CORO2A: variants seen among roughly 807,000 people sequenced by gnomAD.
The protein encoded by CORO2A is coronin 2A, also known as coronin-2A.
Under a neutral mutation model 62.4 loss-of-function variants are expected in CORO2A, and 47 were observed. That is an observed-to-expected ratio of 0.75 (90% CI 0.60 to 0.96). The LOEUF is 0.96. Ranked by LOEUF, CORO2A falls within the 40% of genes least tolerant of loss-of-function variation. The pLI is 0.00. For missense variants in CORO2A, 610 were observed against 684.1 expected (o/e 0.89, Z 1.21); for synonymous variants, 273 against 268.9 (o/e 1.02, Z -0.15).
At chr9:98,174,610 G>A (rs1281285455) in intron 1 of CORO2A, among the ~76,000 whole-genome samples, 2 of 152,118 alleles carry the variant, frequency 1.3e-5, no homozygotes, top group African/African-American at 4.8e-5. Context: ...GATCATGGAG[G>A]CGGTTTCCCC....
chr9:98,145,809 T>G (rs1827637147), intron 2 of CORO2A, among the ~76,000 whole-genome samples: 2 of 152,100 alleles, frequency 1.3e-5, no homozygotes. Flanking sequence ...GTCTCCCGGG[T>G]TCAAGTGATT....
intron 2 of CORO2A, among the ~76,000 whole-genome samples, chr9:98,150,688 A>T (rs1827711127): frequency 6.6e-6 from 1 of 152,248 alleles, no homozygotes. Context: ...GAGTAATAAA[A>T]GGAAAACCAA....
chr9:98,162,391 TC>T (rs1827898012), intron 1 of CORO2A, among the ~76,000 whole-genome samples: 1 of 152,020 alleles, frequency 6.6e-6, no homozygotes, highest in Non-Finnish European at 1.5e-5. Context: ...GCTCCCCACT[TC>T]CCCACGGATG....
Position 98,121,452 on chromosome 9 carries a change from T to C in CORO2A, c.*3322A>G, listed in dbSNP as rs1693572940. 1 of 152,200 alleles carries C rather than the reference T, an allele frequency of 6.6e-6. No homozygotes were observed. The highest frequency in any genetic ancestry group is 1.5e-5 in the Non-Finnish European group (1 of 68,044). 9.4% of individuals were successfully genotyped at this position (152,200 alleles called of 1,614,324 possible). ...AAAACAGATGGTTTAAAAAAATATCTGATAAAAATTACCTATCCCTCTCCC... is the reference window on the plus strand; with the variant it reads ...AAAACAGATGGTTTAAAAAAATATCCGATAAAAATTACCTATCCCTCTCCC... On this transcript the variant is annotated 3_prime_UTR_variant, in exon 12 of 12. Coordinates refer to ENST00000375077, the MANE Select transcript of CORO2A (RefSeq NM_052820.4).
At chr9:98,141,335 T>A (rs566960716) in intron 2 of CORO2A, among the ~76,000 whole-genome samples, 2 of 142,692 alleles carry the variant, frequency 1.4e-5, no homozygotes, top group Non-Finnish European at 3.1e-5. Context: ...CAGGTCTCCA[T>A]GGGACCACTG....
intron 2 of CORO2A, among the ~76,000 whole-genome samples, chr9:98,141,396 G>GGCTGGGGT (rs1338753368): frequency 6.7e-6 from 1 of 148,796 alleles, no homozygotes; most frequent in Non-Finnish European, 1.5e-5. Flanking sequence ...TTGTTGCTCA[G>GGCTGGGGT]GCTGGGGTGC....
At chr9:98,130,581 T>C (rs1827390829) in intron 7 of CORO2A, among the ~76,000 whole-genome samples, 1 of 152,216 alleles carries the variant, frequency 6.6e-6, no homozygotes, top group Non-Finnish European at 1.5e-5. Context: ...GTTGTCATAA[T>C]GACTTGGATG....
In CORO2A at chr9:98,189,928, A is replaced by C. The variant is rs553221254; in HGVS notation, c.-1+2631T>G. Among the ~76,000 whole-genome samples, 4 of 150,938 alleles carry C rather than the reference A, an allele frequency of 2.7e-5. No individual in the cohort carries two copies. In the South Asian group the frequency reaches 8.4e-4, roughly 32 times the overall value. ...GAGATGGAGTCTCGCTCTGTCGCCC[A>C]GGCTGGAGTGCAGTGGCACAATCTC... On this transcript the variant is annotated intron_variant, in intron 1 of 11. Transcript: ENST00000375077.
rs769999348 is a variant in CORO2A, at chr9:98,157,657, A to G, written c.4T>C (p.Ser2Pro). Reference sequence around the variant, plus strand: ...GAGCTCCGGTACTGGGGGTGCCATGACATCTGCAGGAGACAAATGGGACAA... The same window carrying G: ...GAGCTCCGGTACTGGGGGTGCCATGGCATCTGCAGGAGACAAATGGGACAA... Reference protein sequence around the residue: MSWHPQYRSSKF... With the variant: MPWHPQYRSSKF... The change falls in exon 2 of 12, where the codon TCA (serine) becomes CCA (proline). Residue 2 changes from serine (S) to proline (P), a missense_variant. Physicochemically the swap from Ser to Pro is moderately conservative, Grantham distance 74. Transcript: ENST00000375077. The G allele has an allele frequency of 7.4e-6, 12 of 1,612,416 alleles. No homozygotes were observed. The highest frequency in any genetic ancestry group is 2.2e-5 in the South Asian group (2 of 90,810).
chr9:98,176,973 A>G (rs534899814), intron 1 of CORO2A, among the ~76,000 whole-genome samples: 1 of 152,272 alleles, frequency 6.6e-6, no homozygotes, highest in South Asian at 2.1e-4. Flanking sequence ...TTTGTTCCTT[A>G]TCTGTGTTGC....
intron 1 of CORO2A, among the ~76,000 whole-genome samples, chr9:98,169,028 G>C (rs1827998154): frequency 1.3e-5 from 2 of 152,260 alleles, no homozygotes; most frequent in South Asian, 2.1e-4. Context: ...GAGGGGTGGG[G>C]GAAGAAGCCC....
At chr9:98,130,250 T>C (rs1182300054) in intron 7 of CORO2A, among the ~76,000 whole-genome samples, 1 of 152,096 alleles carries the variant, frequency 6.6e-6, no homozygotes, top group Non-Finnish European at 1.5e-5. Flanking sequence ...CTGGCTAATT[T>C]TTTATTTTTT....
At chr9:98,171,745 G>C (rs1828039077) in intron 1 of CORO2A, among the ~76,000 whole-genome samples, 1 of 151,982 alleles carries the variant, frequency 6.6e-6, no homozygotes. Flanking sequence ...GATGGAGCCA[G>C]GAGCTTGCAG....
At chr9:98,177,722 T>C (rs897411902) in intron 1 of CORO2A, among the ~76,000 whole-genome samples, 2 of 151,132 alleles carry the variant, frequency 1.3e-5, no homozygotes, top group African/African-American at 2.4e-5. Flanking sequence ...CCAAACTTTT[T>C]TGATCATTCA....
intron 1 of CORO2A, among the ~76,000 whole-genome samples, chr9:98,167,899 G>C (rs1343796802): frequency 6.6e-6 from 1 of 152,238 alleles, no homozygotes; most frequent in African/African-American, 2.4e-5. Flanking sequence ...GATGGCTACT[G>C]AAAGTGGGTG....
At chr9:98,143,498 G>A (rs1827602987) in intron 2 of CORO2A, among the ~76,000 whole-genome samples, 1 of 152,130 alleles carries the variant, frequency 6.6e-6, no homozygotes, top group African/African-American at 2.4e-5. Flanking sequence ...GGCTTCCAGG[G>A]GTGGAATCCC....
chr9:98,153,694 T>TCA (rs1241844020), intron 2 of CORO2A, among the ~76,000 whole-genome samples: 8 of 98,052 alleles, frequency 8.2e-5, no homozygotes, highest in African/African-American at 1.2e-4. Flanking sequence ...ACACACACAC[T>TCA]CACACACACA....
intron 1 of CORO2A, among the ~76,000 whole-genome samples, chr9:98,179,952 G>A (rs1332021938): frequency 6.6e-6 from 1 of 152,074 alleles, no homozygotes; most frequent in Non-Finnish European, 1.5e-5. Context: ...GCAGTGAGCC[G>A]AGATCACGCC....
chr9:98,145,932 G>A (rs1016133091), intron 2 of CORO2A, among the ~76,000 whole-genome samples: 2 of 152,252 alleles, frequency 1.3e-5, no homozygotes, highest in African/African-American at 2.4e-5. Flanking sequence ...GGCTAGTCTC[G>A]AATGCCTGAC....
Sources: allele counts gnomAD v4.1 joint callset (sites outside exome capture counted in the v4.1 genomes callset), GRCh38; gene constraint gnomAD v4.1.1; transcripts MANE v1.5; gene names NCBI Gene and HGNC (gene_info 2026-07-23, HGNC 2026-07-21).